Variants in TRPV2 observed in about 807,000 individuals in gnomAD.
TRPV2 encodes transient receptor potential cation channel subfamily V member 2.
Under a neutral mutation model 91.0 loss-of-function variants are expected in TRPV2, and 58 were observed. The ratio of observed to expected loss-of-function variants is 0.64; its 90% CI spans 0.52 to 0.79. The LOEUF is 0.79. TRPV2 is among the 30% of genes least tolerant of loss of function. TRPV2 has a pLI of 0.00. For missense variants in TRPV2, 807 were observed against 969.6 expected (o/e 0.83, Z 2.23); for synonymous variants, 417 against 414.8 (o/e 1.01, Z -0.06).
At chr17:16,422,339 G>A (rs370795105) in intron 3 of TRPV2, among the ~76,000 whole-genome samples, 29 of 135,560 alleles carry the variant, frequency 2.1e-4, no homozygotes, top group Non-Finnish European at 3.9e-4. Context: ...AAAAAAAAAA[G>A]AAAAGAAAAG....
chr17:16,428,113 C>T (rs1336191310), intron 8 of TRPV2, among the ~76,000 whole-genome samples: 1 of 152,208 alleles, frequency 6.6e-6, no homozygotes, highest in East Asian at 1.9e-4. Flanking sequence ...TCTTCACCTG[C>T]ACCCCCCGGC....
intron 2 of TRPV2, among the ~76,000 whole-genome samples, chr17:16,419,593 T>G (rs546236171): frequency 4.4e-4 from 67 of 152,324 alleles, no homozygotes; most frequent in African/African-American, 1.6e-3. Flanking sequence ...CCAGCAGGGC[T>G]GAAGTGAAGA....
In TRPV2 at chr17:16,432,262, A is replaced by G; in HGVS notation, c.1951A>G (p.Ser651Gly). 3 of 1,611,224 alleles carry G rather than the reference A, an allele frequency of 1.9e-6. No individual in the cohort carries two copies. Among genetic ancestry groups the G allele is most frequent in the Non-Finnish European group, 2.5e-6 (3 of 1,177,606 alleles). ...CGCCCTCATGAGCGAGACCGTCAACAGTGTCGCCACTGACAGCTGGAGCAT... is the reference window on the plus strand; with the variant it reads ...CGCCCTCATGAGCGAGACCGTCAACGGTGTCGCCACTGACAGCTGGAGCAT... ...LIALMSETVN[S>G]VATDSWSIWK... Residue 651 changes from serine to glycine, a missense_variant, in exon 12 of 15, where the codon AGT becomes GGT. Physicochemically the swap from Ser to Gly is moderately conservative, Grantham distance 56 (BLOSUM62 0). Coordinates refer to ENST00000338560, the MANE Select transcript of TRPV2 (RefSeq NM_016113.5).
At chr17:16,434,324 C>T (rs1471927278) in intron 13 of TRPV2, among the ~76,000 whole-genome samples, 6 of 151,968 alleles carry the variant, frequency 3.9e-5, no homozygotes, top group Admixed American at 3.9e-4. Context: ...AAAAAGTAGC[C>T]GGGCGTGGTG....
intron 13 of TRPV2, among the ~76,000 whole-genome samples, chr17:16,434,280 A>G (rs927469140): frequency 1.3e-5 from 2 of 152,110 alleles, no homozygotes; most frequent in African/African-American, 4.8e-5. Flanking sequence ...CATCCTGGCT[A>G]ACACAGTGAA....
chr17:16,426,775 A>G lies in TRPV2; in HGVS notation c.1149A>G (p.Lys383=). The change falls in exon 7 of 15, where the codon AAA becomes AAG. Residue 383 remains lysine (K), a synonymous_variant. Coordinates refer to ENST00000338560, the MANE Select transcript of TRPV2 (RefSeq NM_016113.5). The surrounding 1 kb of genome is among the most constrained non-coding windows in gnomAD (Gnocchi z 6.0). ...LEPLNKLLQA[K]WDLLIPKFFL... is the part of the protein sequence containing the mutation. ...CCCTGAACAAACTGCTGCAGGCGAAATGGGATCTGCTCATCCCCAAGTTCT... is the reference window on the plus strand; with the variant it reads ...CCCTGAACAAACTGCTGCAGGCGAAGTGGGATCTGCTCATCCCCAAGTTCT... 6.2e-7 allele frequency: 1 copy of G among 1,614,064 alleles called. No homozygotes were observed. The highest frequency in any genetic ancestry group is 1.3e-5 in the African/African-American group (1 of 75,010).
At chr17:16,425,325 G>A (rs1483696158) in intron 5 of TRPV2, among the ~76,000 whole-genome samples, 1 of 152,196 alleles carries the variant, frequency 6.6e-6, no homozygotes, top group African/African-American at 2.4e-5. Flanking sequence ...CGCCCAGCCT[G>A]CAGCTGCATT....
intron 9 of TRPV2, 168 bp downstream of exon 9, chr17:16,428,555 C>G: frequency 1.3e-6 from 1 of 795,782 alleles, no homozygotes; most frequent in Non-Finnish European, 2.1e-6. Context: ...CAGCCTGGGG[C>G]CCCTTGTGCT....
chr17:16,428,418 A>C, intron 9 of TRPV2, 31 bp downstream of exon 9: 1 of 1,608,376 alleles, frequency 6.2e-7, no homozygotes, highest in Non-Finnish European at 8.5e-7. Context: ...CCTTCTCTCA[A>C]CTGTCTCTGA....
rs760713796 is a variant in TRPV2 at position 16,432,184 on chromosome 17, C to A, written c.1873C>A (p.Leu625Met). Residue 625 changes from leucine (L) to methionine (M), a missense_variant, in exon 12 of 15, where the codon CTG becomes ATG. Leu to Met is a conservative substitution (Grantham distance 15, BLOSUM62 2). Coordinates refer to ENST00000338560, the MANE Select transcript of TRPV2 (RefSeq NM_016113.5). ...GCACTTCCGCGGCATGGTGCTGCTG[C>A]TGCTGCTGGCCTACGTGCTGCTCAC... ...QLHFRGMVLL[L>M]LLAYVLLTYI... is the part of the protein sequence containing the mutation. 8.1e-6 allele frequency: 13 copies of A among 1,614,116 alleles called. No individual in the cohort carries two copies. The highest frequency in any genetic ancestry group is 1.6e-4 in the Middle Eastern group (1 of 6,084).
At chr17:16,434,235 G>A (rs1050569893) in intron 13 of TRPV2, among the ~76,000 whole-genome samples, 8 of 152,298 alleles carry the variant, frequency 5.3e-5, no homozygotes, top group Middle Eastern at 3.4e-3. Context: ...TTGGGAGGCC[G>A]AGGCGGGCAA....
In TRPV2 at chr17:16,426,163, AGTG is replaced by A; in HGVS notation, c.993_995del (p.Trp331del). ...AGCCACCTTTCCCGAAAGTTCACCGAGTGGTGCTATGGGCCTGTCCGGGTGTCG... is the reference window on the plus strand; with the variant it reads ...AGCCACCTTTCCCGAAAGTTCACCGAGTGCTATGGGCCTGTCCGGGTGTCG... On this transcript the variant is annotated inframe_deletion, in exon 6 of 15. Coordinates refer to ENST00000338560, the MANE Select transcript of TRPV2 (RefSeq NM_016113.5). The surrounding 1 kb of genome is among the most constrained non-coding windows in gnomAD (Gnocchi z 6.0). 1 of 1,614,010 alleles carries A rather than the reference AGTG, an allele frequency of 6.2e-7. No homozygotes were observed. The highest frequency in any genetic ancestry group is 8.5e-7 in the Non-Finnish European group (1 of 1,179,994).
chr17:16,424,149 C>T (rs2093371812), intron 5 of TRPV2, among the ~76,000 whole-genome samples: 1 of 146,610 alleles, frequency 6.8e-6, no homozygotes, highest in Admixed American at 7.0e-5. Context: ...GCCACCACAC[C>T]CAGCTAATTT....
chr17:16,418,995 T>C (rs1362480846), intron 2 of TRPV2, among the ~76,000 whole-genome samples: 1 of 150,862 alleles, frequency 6.6e-6, no homozygotes, highest in Non-Finnish European at 1.5e-5. Flanking sequence ...TATGCCACCA[T>C]ACTCCAGCCT....
Position 16,426,886 on chromosome 17 carries a change from G to A in TRPV2, c.1251+9G>A, listed in dbSNP as rs147909743. 1.2e-3 allele frequency: 1,918 copies of A among 1,610,586 alleles called. 13 individuals carry two copies. In the African/African-American group the frequency reaches 0.02, roughly 17 times the overall value. On this transcript the variant is annotated intron_variant, in intron 7 of 14. Coordinates refer to ENST00000338560, the MANE Select transcript of TRPV2 (RefSeq NM_016113.5). The surrounding 1 kb of genome is among the most constrained non-coding windows in gnomAD (Gnocchi z 6.0). The stretch of plus-strand genomic sequence containing the variant: ...AGCCTACCCTGAAGAAGGCAAGGGC[G>A]TGAGGTTTGGGGGGGCACATCTTGG...
chr17:16,416,009 G>C (rs982497500), intron 1 of TRPV2, 176 bp downstream of exon 1: 1 of 152,326 alleles, frequency 6.6e-6, no homozygotes, highest in African/African-American at 2.4e-5. Flanking sequence ...TCTGCTGCCA[G>C]GGTGGGTGAG....
chr17:16,425,185 C>T (rs375283703), intron 5 of TRPV2, among the ~76,000 whole-genome samples: 140 of 152,094 alleles, frequency 9.2e-4, no homozygotes, highest in African/African-American at 2.9e-3. Flanking sequence ...CCACCACGCC[C>T]GGCTAATTTT....
rs1279991452 is a variant in TRPV2 at position 16,423,604 on chromosome 17, T to C, written c.761T>C (p.Met254Thr). Residue 254 changes from methionine to threonine, a missense_variant, in exon 5 of 15, where the codon ATG becomes ACG. Coordinates refer to ENST00000338560, the MANE Select transcript of TRPV2 (RefSeq NM_016113.5). Reference protein sequence around the residue: ...QGNTVLHALVMISDNSAENIA... With the variant: ...QGNTVLHALVTISDNSAENIA... ...AACACAGTCCTGCATGCCCTAGTGA[T>C]GATCTCGGACAACTCAGCTGAGAAC... The C allele has an allele frequency of 1.2e-6, 2 of 1,613,528 alleles. No homozygotes were observed. Among genetic ancestry groups the C allele is most frequent in the Non-Finnish European group, 1.7e-6 (2 of 1,179,794 alleles).
chr17:16,425,981 G>T, intron 5 of TRPV2, 118 bp from the exon 6 acceptor site: 1 of 1,134,970 alleles, frequency 8.8e-7, no homozygotes. Context: ...ACGTGCACGT[G>T]TCAGCTGCAG....
Sources: gnomAD v4.1 joint callset for allele counts (sites outside exome capture counted in the v4.1 genomes callset) on GRCh38, gnomAD v4.1.1 for gene constraint, Gnocchi (gnomAD v3.1) non-coding constraint, MANE v1.5 for transcripts, NCBI Gene and HGNC (gene_info 2026-07-23, HGNC 2026-07-21) for gene names.